ZNF609: variants seen among roughly 807,000 people sequenced by gnomAD.
ZNF609 encodes the protein zinc finger protein 609.
A neutral mutation model predicts 109.5 loss-of-function variants in ZNF609; 11 were observed. That is an observed-to-expected ratio of 0.10 (90% CI 0.06 to 0.17). The LOEUF (loss-of-function observed/expected upper bound fraction) is 0.17, where lower values mean the gene tolerates loss of function less well. Among genes scored for constraint, ZNF609 ranks in the 10% least tolerant of loss-of-function variants. ZNF609 has a pLI of 1.00. For missense variants in ZNF609, 1,559 were observed against 1,772.4 expected (o/e 0.88, Z 2.16); for synonymous variants, 646 against 662.0 (o/e 0.98, Z 0.37).
Position 64,675,493 on chromosome 15 carries a change from T to C in ZNF609, c.2639T>C (p.Phe880Ser). Residue 880 changes from phenylalanine to serine, a missense_variant, in exon 5 of 10, where the codon TTT becomes TCT. Coordinates refer to ENST00000326648, the MANE Select transcript of ZNF609 (RefSeq NM_015042.2). The part of the protein sequence containing the change: ...LVKEGAKKTL[F>S]PPQPQSKDSP... ...AAAGAAGGGGCTAAGAAAACTCTTT[T>C]TCCCCCTCAGCCTCAGAGCAAAGAC... The C allele has an allele frequency of 1.9e-6, 3 of 1,614,186 alleles. No individual in the cohort carries two copies. The highest frequency in any genetic ancestry group is 2.5e-6 in the Non-Finnish European group (3 of 1,180,040).
intron 1 of ZNF609, among the ~76,000 whole-genome samples, chr15:64,470,741 C>T (rs1893080566): frequency 6.6e-6 from 1 of 151,752 alleles, no homozygotes. Context: ...AGGCTGGTCT[C>T]GAACTCCTGA....
chr15:64,490,946 G>A (rs1306231719), intron 1 of ZNF609, among the ~76,000 whole-genome samples: 1 of 152,122 alleles, frequency 6.6e-6, no homozygotes, highest in African/African-American at 2.4e-5. Context: ...AAAGACTCAG[G>A]GACTAAGAGA....
intron 1 of ZNF609, among the ~76,000 whole-genome samples, chr15:64,471,096 TCA>T (rs1428206992): frequency 6.6e-6 from 1 of 152,150 alleles, no homozygotes; most frequent in African/African-American, 2.4e-5. Flanking sequence ...GCACGGTGGC[TCA>T]CACCTGTAAT....
At chr15:64,678,803 A>G (rs998224763) in intron 6 of ZNF609, among the ~76,000 whole-genome samples, 2 of 152,202 alleles carry the variant, frequency 1.3e-5, no homozygotes. Flanking sequence ...TTTGTAAACC[A>G]TATACTCCAC....
In ZNF609 at chr15:64,675,773, C is replaced by T; in HGVS notation, c.2919C>T (p.Tyr973=). Residue 973 remains tyrosine (Y), a synonymous_variant, in exon 5 of 10, where the codon TAC becomes TAT. Coordinates refer to ENST00000326648, the MANE Select transcript of ZNF609 (RefSeq NM_015042.2). ...QRPNMYMQSL[Y]YNQYAYVPPY... ...CCAATATGTACATGCAGTCCCTGTA[C>T]TACAACCAGTATGCCTATGTACCCC... 6.2e-7 allele frequency: 1 copy of T among 1,614,232 alleles called. No homozygotes were observed. The highest frequency in any genetic ancestry group is 8.5e-7 in the Non-Finnish European group (1 of 1,180,042).
At chr15:64,644,071 T>C (rs961188686) in intron 3 of ZNF609, among the ~76,000 whole-genome samples, 1 of 151,852 alleles carries the variant, frequency 6.6e-6, no homozygotes. Flanking sequence ...GCCGGTATAC[T>C]CTAACCTGGG....
chr15:64,672,538 C>G (rs1339415521), intron 4 of ZNF609, among the ~76,000 whole-genome samples: 2 of 145,922 alleles, frequency 1.4e-5, no homozygotes, highest in Non-Finnish European at 3.0e-5. Flanking sequence ...GGCAGGAGAA[C>G]CGCTTGAACC....
intron 2 of ZNF609, 98 bp downstream of exon 2, chr15:64,500,264 G>A (rs1365564035): frequency 6.8e-6 from 10 of 1,479,298 alleles, no homozygotes; most frequent in East Asian, 2.4e-5. Context: ...AGGCTCATTA[G>A]TGTGTGGGTA....
At chr15:64,489,533 T>C (rs1893381359) in intron 1 of ZNF609, among the ~76,000 whole-genome samples, 2 of 148,620 alleles carry the variant, frequency 1.3e-5, no homozygotes, top group South Asian at 4.2e-4. Flanking sequence ...ATTCACTTTT[T>C]TTTTTTTTTT....
At chr15:64,466,767 C>A (rs1893020860) in intron 1 of ZNF609, among the ~76,000 whole-genome samples, 1 of 152,168 alleles carries the variant, frequency 6.6e-6, no homozygotes, top group Admixed American at 6.5e-5. Flanking sequence ...CTTATGCTTT[C>A]CTAGCACTCT....
At chr15:64,647,432 A>T (rs930662459) in intron 3 of ZNF609, among the ~76,000 whole-genome samples, 24 of 152,176 alleles carry the variant, frequency 1.6e-4, no homozygotes, top group Non-Finnish European at 2.2e-4. Context: ...TTAGGAGACA[A>T]AGTCAAAATT....
intron 2 of ZNF609, among the ~76,000 whole-genome samples, chr15:64,613,738 GAC>G (rs1198348071): frequency 5.9e-5 from 9 of 151,938 alleles, no homozygotes; most frequent in African/African-American, 2.2e-4. Flanking sequence ...TTTTAGTAGA[GAC>G]AAGGTTTCAC....
chr15:64,653,008 G>T (rs1332335860), intron 3 of ZNF609: 1 of 152,204 alleles, frequency 6.6e-6, no homozygotes, highest in Non-Finnish European at 1.5e-5. Context: ...TACATAAAAA[G>T]ATACTCCAAG....
rs931090745 is a variant in ZNF609 at position 64,660,809 on chromosome 15, C to T, written c.974-9537C>T. Among the ~76,000 whole-genome samples the T allele has an allele frequency of 5.9e-5, 9 of 152,184 alleles. 1 individual carries two copies. Among genetic ancestry groups the T allele is most frequent in the Admixed American group, 4.6e-4 (7 of 15,266 alleles). On this transcript the variant is annotated intron_variant, in intron 3 of 9. Transcript: ENST00000326648. ...AATTTCCACAGAGCTCGCTGTCTCA[C>T]CTCTTACAGGTTTCTCTGCTTGAAT...
intron 2 of ZNF609, among the ~76,000 whole-genome samples, chr15:64,581,541 A>G (rs1595727194): frequency 1.3e-5 from 2 of 152,078 alleles, no homozygotes; most frequent in East Asian, 1.9e-4. Flanking sequence ...CTGGTCAGAT[A>G]TAGATAACCT....
At chr15:64,535,602 G>A (rs77233065) in intron 2 of ZNF609, among the ~76,000 whole-genome samples, 2 of 152,066 alleles carry the variant, frequency 1.3e-5, no homozygotes, top group East Asian at 1.9e-4. Context: ...ACAGTTTTTT[G>A]TGTGTGTGTG....
chr15:64,529,658 T>A, intron 2 of ZNF609: 2 of 771,772 alleles, frequency 2.6e-6, no homozygotes, highest in Non-Finnish European at 4.6e-6. Context: ...GACTCTGACC[T>A]TCACCTTACC....
Position 64,586,736 on chromosome 15 carries a change from T to A in ZNF609, c.748-36091T>A, listed in dbSNP as rs148763747. Among the ~76,000 whole-genome samples, 1,050 of 152,274 alleles carry A rather than the reference T, an allele frequency of 6.9e-3. 9 individuals carry two copies. The highest frequency in any genetic ancestry group is 0.028 in the South Asian group (137 of 4,824). ...GTTGGGGACCACTGCTTTATAGGAA[T>A]ACTCGGTAGAATGATGATTATTACA... On this transcript the variant is annotated intron_variant, in intron 2 of 9. Coordinates refer to ENST00000326648, the MANE Select transcript of ZNF609 (RefSeq NM_015042.2).
intron 2 of ZNF609, among the ~76,000 whole-genome samples, chr15:64,528,210 G>A (rs1424553336): frequency 6.6e-6 from 1 of 151,366 alleles, no homozygotes; most frequent in Non-Finnish European, 1.5e-5. Context: ...CGATTCTGCT[G>A]CCTCAGCCTC....
Sources: gnomAD v4.1 joint callset for allele counts (sites outside exome capture counted in the v4.1 genomes callset) on GRCh38, gnomAD v4.1.1 for gene constraint, MANE v1.5 for transcripts, NCBI Gene and HGNC (gene_info 2026-07-23, HGNC 2026-07-21) for gene names.